The following PTPRT variants were observed in gnomAD, a reference collection of about 807,000 sequenced individuals.
PTPRT encodes the protein protein tyrosine phosphatase receptor type T.
In PTPRT, 56 loss-of-function variants were observed where a neutral mutation model predicts 176.8. The ratio of observed to expected loss-of-function variants is 0.32; its 90% CI spans 0.26 to 0.40. PTPRT has a LOEUF of 0.40. Among genes scored for constraint, PTPRT ranks in the 10% least tolerant of loss-of-function variants. PTPRT has a pLI of 1.00. For missense variants in PTPRT, 1,540 were observed against 1,908.2 expected (o/e 0.81, Z 3.60); for synonymous variants, 783 against 739.0 (o/e 1.06, Z -0.96).
At chr20:42,570,184 T>A (rs895781652) in intron 7 of PTPRT, among the ~76,000 whole-genome samples, 1 of 152,160 alleles carries the variant, frequency 6.6e-6, no homozygotes, top group East Asian at 1.9e-4. Context: ...CTCCCATCTG[T>A]ACCTCCTTGA....
intron 1 of PTPRT, among the ~76,000 whole-genome samples, chr20:42,934,222 C>A (rs1373669570): frequency 6.6e-6 from 1 of 152,030 alleles, no homozygotes; most frequent in Admixed American, 6.6e-5. Flanking sequence ...GCCATGAATG[C>A]CTCAAACGAG....
intron 11 of PTPRT, among the ~76,000 whole-genome samples, chr20:42,317,344 G>T (rs767931033): frequency 6.6e-6 from 1 of 152,108 alleles, no homozygotes; most frequent in African/African-American, 2.4e-5. Context: ...TTTGTAAGTT[G>T]GAGAACATTT....
At chr20:42,961,183 TAAG>T (rs998859585) in intron 1 of PTPRT, among the ~76,000 whole-genome samples, 2 of 152,132 alleles carry the variant, frequency 1.3e-5, no homozygotes, top group African/African-American at 4.8e-5. Flanking sequence ...CAATTGTTGA[TAAG>T]AAGATTTTAA....
chr20:42,552,239 T>C (rs906231222), intron 7 of PTPRT, among the ~76,000 whole-genome samples: 8 of 152,176 alleles, frequency 5.3e-5, no homozygotes, highest in Admixed American at 3.3e-4. Context: ...GAATCAGATA[T>C]AGGCAAACAA....
Position 42,678,130 on chromosome 20 carries a change from G to A in PTPRT, c.889C>T (p.Leu297=), listed in dbSNP as rs777160939. 2 of 1,613,986 alleles carry A rather than the reference G, an allele frequency of 1.2e-6. No homozygotes were observed. Among genetic ancestry groups the A allele is most frequent in the East Asian group, 2.2e-5 (1 of 44,852 alleles). The change falls in exon 7 of 31, where the codon CTG becomes TTG. Residue 297 remains leucine, a synonymous_variant. Coordinates refer to ENST00000373187, the MANE Select transcript of PTPRT (RefSeq NM_007050.6). The part of the protein sequence containing the change: ...EPPTPIAPPE[L]LAVGATYLWI... ...AGGTATGTGGCCCCCACAGCCAGCA[G>A]CTCTGGGGGAGCAATGGGCGTGGGA... is the stretch of plus-strand genomic sequence containing the variant.
chr20:42,902,975 C>T (rs1433722476), intron 1 of PTPRT, among the ~76,000 whole-genome samples: 1 of 152,166 alleles, frequency 6.6e-6, no homozygotes, highest in Non-Finnish European at 1.5e-5. Flanking sequence ...AAGCTATGAC[C>T]TCTTTCTCCA....
chr20:42,392,195 A>G (rs1398844682), intron 9 of PTPRT, among the ~76,000 whole-genome samples: 2 of 152,204 alleles, frequency 1.3e-5, no homozygotes, highest in Non-Finnish European at 1.5e-5. Flanking sequence ...AAACTCACTC[A>G]GTTCTAACAC....
At chr20:42,735,810 C>G (rs566710571) in intron 6 of PTPRT, among the ~76,000 whole-genome samples, 39 of 152,204 alleles carry the variant, frequency 2.6e-4, no homozygotes, top group African/African-American at 9.2e-4. Context: ...AGCATTTGCT[C>G]CGTTGTGTGC....
intron 9 of PTPRT, among the ~76,000 whole-genome samples, chr20:42,391,706 G>T (rs2030901662): frequency 6.6e-6 from 1 of 152,200 alleles, no homozygotes; most frequent in Non-Finnish European, 1.5e-5. Flanking sequence ...AATGGTGAAA[G>T]ACAAGATGTT....
intron 1 of PTPRT, among the ~76,000 whole-genome samples, chr20:42,957,801 A>G (rs1981729763): frequency 6.6e-6 from 1 of 152,138 alleles, no homozygotes; most frequent in Non-Finnish European, 1.5e-5. Context: ...CATCTCTTCC[A>G]TTAGAGCCTA....
intron 9 of PTPRT, among the ~76,000 whole-genome samples, chr20:42,363,814 C>T (rs986440967): frequency 6.6e-6 from 1 of 152,054 alleles, no homozygotes; most frequent in Non-Finnish European, 1.5e-5. Context: ...TAGGAAGAGG[C>T]AGAGGCAGGC....
At chr20:42,794,057 C>T (rs976850649) in intron 2 of PTPRT, among the ~76,000 whole-genome samples, 2 of 152,178 alleles carry the variant, frequency 1.3e-5, no homozygotes, top group Non-Finnish European at 2.9e-5. Flanking sequence ...TTTCCTTCCA[C>T]CAGTTCATGA....
chr20:42,329,132 C>T (rs555565926), intron 11 of PTPRT, among the ~76,000 whole-genome samples: 7 of 152,284 alleles, frequency 4.6e-5, no homozygotes, highest in Admixed American at 3.9e-4. Context: ...TCAATGCCTA[C>T]GTCCTGAGAA....
At chr20:42,790,829 C>T (rs1381710194) in intron 3 of PTPRT, among the ~76,000 whole-genome samples, 2 of 152,186 alleles carry the variant, frequency 1.3e-5, no homozygotes, top group Non-Finnish European at 2.9e-5. Flanking sequence ...CGAGTTATTT[C>T]ATCTCTCCGA....
At chr20:42,349,196 T>A (rs1432774175) in intron 11 of PTPRT, among the ~76,000 whole-genome samples, 1 of 152,170 alleles carries the variant, frequency 6.6e-6, no homozygotes, top group East Asian at 1.9e-4. Context: ...CATGCATCTC[T>A]CTAGTAGCTG....
chr20:43,090,417 GC>G (rs1217051657), intron 1 of PTPRT, among the ~76,000 whole-genome samples: 5 of 151,930 alleles, frequency 3.3e-5, no homozygotes, highest in Admixed American at 2.6e-4. Flanking sequence ...ACAGGCGCCC[GC>G]CACCACGCCT....
intron 13 of PTPRT, among the ~76,000 whole-genome samples, chr20:42,263,760 A>T (rs1413603360): frequency 6.6e-6 from 1 of 151,714 alleles, no homozygotes; most frequent in African/African-American, 2.4e-5. Flanking sequence ...CCTGGGCTCA[A>T]ACAATTCACT....
intron 12 of PTPRT, among the ~76,000 whole-genome samples, chr20:42,299,115 GT>G (rs1250620411): frequency 3.3e-5 from 5 of 152,102 alleles, no homozygotes; most frequent in African/African-American, 1.2e-4. Flanking sequence ...AATGACATTG[GT>G]TTCCAACAGG....
chr20:42,912,921 T>C lies in PTPRT; in HGVS notation c.89-26989A>G, dbSNP rs542219729. 6.6e-5 allele frequency among the ~76,000 whole-genome samples: 10 copies of C among 152,298 alleles called. No individual in the cohort carries two copies. The South Asian group carries it at 1.9e-3, about 28-fold the overall frequency. On this transcript the variant is annotated intron_variant, in intron 1 of 30. Transcript: ENST00000373187. Reference sequence around the variant, plus strand: ...GTTGTAATTATTATGGATCTGAACATGGCATAATTAATGCTAGTGCTAGAG... The same window carrying C: ...GTTGTAATTATTATGGATCTGAACACGGCATAATTAATGCTAGTGCTAGAG...
Sources: allele counts gnomAD v4.1 joint callset (sites outside exome capture counted in the v4.1 genomes callset), GRCh38; gene constraint gnomAD v4.1.1; transcripts MANE v1.5; gene names NCBI Gene and HGNC (gene_info 2026-07-23, HGNC 2026-07-21).